Variants in TBC1D4 observed in about 807,000 individuals in gnomAD.
The protein encoded by TBC1D4 is TBC (Tre-2, BUB2, CDC16) domain-containing protein.
TBC1D4 carries 121 observed loss-of-function variants against 142.5 expected under a neutral mutation model. The ratio of observed to expected loss-of-function variants is 0.85; its 90% CI spans 0.73 to 0.99. TBC1D4 has a LOEUF of 0.99. TBC1D4 is among the 50% of genes least tolerant of loss of function. The pLI is 0.00. For missense variants in TBC1D4, 1,475 were observed against 1,606.6 expected (o/e 0.92, Z 1.40); for synonymous variants, 630 against 628.2 (o/e 1.00, Z -0.04).
intron 13 of TBC1D4, among the ~76,000 whole-genome samples, chr13:75,311,066 T>G (rs1265128690): frequency 6.6e-6 from 1 of 152,204 alleles, no homozygotes; most frequent in Admixed American, 6.5e-5. Flanking sequence ...TGCCAATGAT[T>G]TTCCTATTAA....
At chr13:75,335,484 C>T (rs1880119768) in intron 8 of TBC1D4, among the ~76,000 whole-genome samples, 2 of 151,988 alleles carry the variant, frequency 1.3e-5, no homozygotes, top group Non-Finnish European at 2.9e-5. Context: ...TTTTTCAGCA[C>T]TTCCTCTAAG....
At chr13:75,391,041 C>G (rs932472878) in intron 1 of TBC1D4, among the ~76,000 whole-genome samples, 3 of 73,748 alleles carry the variant, frequency 4.1e-5, no homozygotes, top group Non-Finnish European at 1.2e-4. Flanking sequence ...ACCACACACA[C>G]ACACACACAC....
intron 8 of TBC1D4, among the ~76,000 whole-genome samples, chr13:75,328,741 A>G (rs931753681): frequency 3.9e-5 from 6 of 152,216 alleles, no homozygotes; most frequent in South Asian, 2.1e-4. Context: ...TTAACAATGC[A>G]TAACATTTGC....
intron 1 of TBC1D4, among the ~76,000 whole-genome samples, chr13:75,385,640 G>A (rs1350724718): frequency 1.3e-5 from 2 of 152,208 alleles, no homozygotes; most frequent in African/African-American, 2.4e-5. Flanking sequence ...ACTTACGTGT[G>A]CACTTTCTAG....
intron 1 of TBC1D4, among the ~76,000 whole-genome samples, chr13:75,383,456 C>T (rs1883976620): frequency 6.6e-6 from 1 of 152,198 alleles, no homozygotes; most frequent in Admixed American, 6.5e-5. Context: ...ATGACTAAAA[C>T]ATTTTGTTTT....
intron 1 of TBC1D4, among the ~76,000 whole-genome samples, chr13:75,434,455 G>T (rs1886709910): frequency 6.6e-6 from 1 of 152,096 alleles, no homozygotes; most frequent in African/African-American, 2.4e-5. Flanking sequence ...AGAGCTAAAT[G>T]ATAAGAACTT....
At chr13:75,426,215 G>A (rs564563763) in intron 1 of TBC1D4, among the ~76,000 whole-genome samples, 115 of 152,150 alleles carry the variant, frequency 7.6e-4, no homozygotes, top group Admixed American at 9.2e-4. Flanking sequence ...TTACAGAAAC[G>A]CAAAGCAAAA....
chr13:75,480,324 GTAAA>G (rs1300555326), intron 1 of TBC1D4, among the ~76,000 whole-genome samples: 11 of 152,196 alleles, frequency 7.2e-5, no homozygotes, highest in Admixed American at 2.6e-4. Context: ...TGTGCAAACA[GTAAA>G]TAACCATTTT....
intron 1 of TBC1D4, among the ~76,000 whole-genome samples, chr13:75,480,410 G>A (rs1461792356): frequency 6.6e-6 from 1 of 152,076 alleles, no homozygotes; most frequent in East Asian, 1.9e-4. Flanking sequence ...GGAAAACTCT[G>A]TTTTCAAAGA....
chr13:75,327,415 C>T (rs561461596), intron 9 of TBC1D4, among the ~76,000 whole-genome samples: 31 of 151,704 alleles, frequency 2.0e-4, no homozygotes, highest in Middle Eastern at 3.4e-3. Context: ...GAAAATAACA[C>T]GGGAAGGGAA....
intron 1 of TBC1D4, among the ~76,000 whole-genome samples, chr13:75,379,914 TTTTTTTTTTG>T: frequency 2.1e-5 from 2 of 96,616 alleles, no homozygotes; most frequent in African/African-American, 8.2e-5. Context: ...TTTTTTTTTT[TTTTTTTTTTG>T]AGAAAGAGTC....
At chr13:75,308,768 A>C (rs1373306559) in intron 14 of TBC1D4, among the ~76,000 whole-genome samples, 1 of 152,210 alleles carries the variant, frequency 6.6e-6, no homozygotes, top group East Asian at 1.9e-4. Flanking sequence ...CCATTTATCA[A>C]ACTGAACTTT....
intron 5 of TBC1D4, among the ~76,000 whole-genome samples, 200 bp downstream of exon 5, chr13:75,348,954 AGTGTGTGTGTGTGTGT>A (rs55954112): frequency 3.6e-5 from 5 of 139,084 alleles, no homozygotes; most frequent in East Asian, 2.1e-4. Flanking sequence ...AGAGAGAGAG[AGTGTGTGTGTGTGTGT>A]GTGTGTGTGT....
intron 1 of TBC1D4, among the ~76,000 whole-genome samples, chr13:75,480,044 C>A (rs9318348): frequency 0.94 from 142,183 of 150,938 alleles, 67,534 homozygotes; most frequent in Non-Finnish European, 1. Context: ...AAAAAAAAAA[C>A]CTATTTTTCA....
At chr13:75,481,156 G>A in intron 1 of TBC1D4, 114 bp downstream of exon 1, 1 of 1,425,404 alleles carries the variant, frequency 7.0e-7, no homozygotes. Flanking sequence ...TGGAGCGCGC[G>A]CGCCTGCAGC....
chr13:75,457,465 T>C (rs184969503), intron 1 of TBC1D4, among the ~76,000 whole-genome samples: 1 of 152,306 alleles, frequency 6.6e-6, no homozygotes, highest in African/African-American at 2.4e-5. Flanking sequence ...TATTGCTAAA[T>C]GTCCACTGGG....
intron 4 of TBC1D4, among the ~76,000 whole-genome samples, chr13:75,350,949 C>A (rs1229078012): frequency 6.6e-6 from 1 of 152,112 alleles, no homozygotes; most frequent in African/African-American, 2.4e-5. Context: ...ATTATGAGAT[C>A]AGTGCAACTA....
chr13:75,401,816 T>G (rs1566462679), intron 1 of TBC1D4, among the ~76,000 whole-genome samples: 1 of 152,224 alleles, frequency 6.6e-6, no homozygotes, highest in African/African-American at 2.4e-5. Flanking sequence ...AAAGCTACAC[T>G]GTAAACTCCA....
intron 1 of TBC1D4, among the ~76,000 whole-genome samples, chr13:75,467,999 C>A (rs965221827): frequency 6.6e-6 from 1 of 152,140 alleles, no homozygotes; most frequent in African/African-American, 2.4e-5. Flanking sequence ...AGATGGATCT[C>A]CTCTCCATTC....
Sources: allele counts gnomAD v4.1 joint callset (sites outside exome capture counted in the v4.1 genomes callset), GRCh38; gene constraint gnomAD v4.1.1; transcripts MANE v1.5; gene names NCBI Gene and HGNC (gene_info 2026-07-23, HGNC 2026-07-21).